The following FBN1 variants were observed in gnomAD, a reference collection of about 807,000 sequenced individuals.
FBN1 encodes the protein fibrillin-1.
A neutral mutation model predicts 365.1 loss-of-function variants in FBN1; 29 were observed. That is an observed-to-expected ratio of 0.08 (90% CI 0.06 to 0.11). FBN1 has a LOEUF of 0.11. Ranked by LOEUF, FBN1 falls within the 10% of genes least tolerant of loss-of-function variation. The pLI, the probability that FBN1 is intolerant of heterozygous loss-of-function variation, is 1.00. For missense variants in FBN1, 2,476 were observed against 3,703.2 expected (o/e 0.67, Z 8.60); for synonymous variants, 1,210 against 1,270.5 (o/e 0.95, Z 1.01).
In FBN1 at chr15:48,456,748, G is replaced by A. The variant is rs767884599; in HGVS notation, c.5311C>T (p.Arg1771Trp). The A allele has an allele frequency of 2.0e-5, 33 of 1,613,224 alleles. No homozygotes were observed. Among genetic ancestry groups the A allele is most frequent in the African/African-American group, 4.0e-5 (3 of 74,806 alleles). The change falls in exon 44 of 66, where the codon CGG becomes TGG. Residue 1771 changes from arginine to tryptophan, a missense_variant. This residue lies in a region of FBN1 where 1,780 missense variants were observed against 2,840.8 expected (regional missense o/e 0.63). Transcript: ENST00000316623. ...TTTTCACAGACCCCTGGGATCTCCC[G>A]GCACTCATCAATATCTAGAGACAGA... Reference protein sequence around the residue: ...TGLPVDIDECREIPGVCENGV... With the variant: ...TGLPVDIDECWEIPGVCENGV...
At chr15:48,465,449 T>G in intron 40 of FBN1, 119 bp downstream of exon 40, 1 of 1,166,828 alleles carries the variant, frequency 8.6e-7, no homozygotes, top group Non-Finnish European at 1.3e-6. Flanking sequence ...CCTGGCTATG[T>G]TCGTGTTTAG....
rs57548469 is a variant in FBN1, at chr15:48,523,715, G to T, written c.988+2415C>A. Among the ~76,000 whole-genome samples the T allele has an allele frequency of 2.6e-4, 35 of 133,610 alleles. 1 individual carries two copies. Among genetic ancestry groups the T allele is most frequent in the East Asian group, 8.3e-4 (3 of 3,596 alleles). The allele number at this position is 133,610 out of a possible 152,430, so 87.7% of individuals were successfully genotyped here. ...AGTGCCACACCAAGGGTGGCTGGGG[G>T]GGGGGGGGAACCGTTGTGGTGGTAT... is the stretch of plus-strand genomic sequence containing the variant. On this transcript the variant is annotated intron_variant, in intron 9 of 65. Transcript: ENST00000316623.
chr15:48,610,602 C>T, intron 4 of FBN1, 126 bp downstream of exon 4: 4 of 742,616 alleles, frequency 5.4e-6, no homozygotes, highest in South Asian at 4.7e-5. Context: ...TTGGGCAGAA[C>T]AGAGAAGGCA....
chr15:48,530,966 G>C (rs1466387326), intron 8 of FBN1, among the ~76,000 whole-genome samples: 3 of 152,098 alleles, frequency 2.0e-5, no homozygotes, highest in African/African-American at 7.2e-5. Context: ...CCTTAATTAC[G>C]CTTTTTATTT....
chr15:48,450,544 T>C (rs572851674), intron 45 of FBN1, among the ~76,000 whole-genome samples: 6 of 152,206 alleles, frequency 3.9e-5, no homozygotes, highest in East Asian at 3.9e-4. Context: ...GAAACCCAAA[T>C]AGTCAACAGA....
At chr15:48,425,693 T>C (rs372615770) in intron 59 of FBN1, 46 bp downstream of exon 59, 2 of 1,596,964 alleles carry the variant, frequency 1.3e-6, no homozygotes, top group Non-Finnish European at 1.7e-6. Flanking sequence ...TTTTCCATAA[T>C]CTAAAATTTC....
chr15:48,618,028 G>A (rs962830823), intron 2 of FBN1, among the ~76,000 whole-genome samples: 2 of 152,046 alleles, frequency 1.3e-5, no homozygotes, highest in African/African-American at 4.8e-5. Context: ...CAAGTACTAG[G>A]TAAGGGCTAA....
intron 32 of FBN1, 90 bp downstream of exon 32, chr15:48,481,565 G>A: frequency 7.7e-7 from 1 of 1,304,974 alleles, no homozygotes; most frequent in Non-Finnish European, 1.1e-6. Context: ...TAGTTAAAAT[G>A]TATGAGTTTT....
chr15:48,457,125 G>T (rs1256668199), intron 43 of FBN1, among the ~76,000 whole-genome samples: 1 of 152,030 alleles, frequency 6.6e-6, no homozygotes. Context: ...CTATATTTAG[G>T]GAAAAAGGCA....
chr15:48,596,297 G>C lies in FBN1; in HGVS notation c.524C>G (p.Pro175Arg). The change falls in exon 6 of 66, where the codon CCC (proline) becomes CGC (arginine). Residue 175 changes from proline (P) to arginine (R), a missense_variant. By Grantham distance (103) the Pro-to-Arg change is moderately radical. Around this residue, in one of 5 missense-constraint regions of FBN1, gnomAD observed 421 missense variants for 520.1 expected, o/e 0.81. Transcript: ENST00000316623. Reference protein sequence around the residue: ...RCACTYGFTGPQCERDYRTGP... With the variant: ...RCACTYGFTGRQCERDYRTGP... ...AAAACCATTACCTCTTTCACACTGGGGTCCAGTAAATCCGTAAGTGCATGC... is the reference window on the plus strand; with the variant it reads ...AAAACCATTACCTCTTTCACACTGGCGTCCAGTAAATCCGTAAGTGCATGC... 6.2e-7 allele frequency: 1 copy of C among 1,613,768 alleles called. No homozygotes were observed. The highest frequency in any genetic ancestry group is 1.1e-5 in the South Asian group (1 of 91,078).
intron 23 of FBN1, among the ~76,000 whole-genome samples, chr15:48,493,604 G>A (rs2043579279): frequency 6.6e-6 from 1 of 152,140 alleles, no homozygotes. Flanking sequence ...ACCTTGGGTG[G>A]GGGTTGTAGT....
chr15:48,498,937 C>T (rs762078654), intron 18 of FBN1, 48 bp downstream of exon 18: 1 of 1,563,070 alleles, frequency 6.4e-7, no homozygotes, highest in Admixed American at 1.7e-5. Flanking sequence ...AAGCCTGATG[C>T]TGCCTCTGCA....
rs775128837 is a variant in FBN1 at position 48,441,690 on chromosome 15, T to C, written c.6163+31A>G. 4.7e-5 allele frequency: 76 copies of C among 1,613,048 alleles called. 1 individual carries two copies. In the Middle Eastern group the frequency reaches 1.3e-3, roughly 28 times the overall value. On this transcript the variant is annotated intron_variant, in intron 50 of 65. Transcript: ENST00000316623. ...GACCACCACAAATAAACATGCAGCA[T>C]TGAAAGCCCAAAGCCTTCAAAGACA...
At position 48,421,819 on chromosome 15, in the gene FBN1, T is replaced by C. The variant is rs186936529; in HGVS notation, c.7570+133A>G. ...ACAACGCTTCACATACATGTACAGGTGTGCTCACACATACATGCACTCATA... is the reference window on the plus strand; with the variant it reads ...ACAACGCTTCACATACATGTACAGGCGTGCTCACACATACATGCACTCATA... On this transcript the variant is annotated intron_variant, in intron 61 of 65. Coordinates refer to ENST00000316623, the MANE Select transcript of FBN1 (RefSeq NM_000138.5). 271 of 1,183,414 alleles carry C rather than the reference T, an allele frequency of 2.3e-4. No individual in the cohort carries two copies. The African/African-American group carries it at 3.7e-3, about 16-fold the overall frequency. 73.3% of individuals were successfully genotyped at this position (1,183,414 alleles called of 1,614,324 possible).
At chr15:48,500,703 T>C (rs2043647358) in intron 17 of FBN1, among the ~76,000 whole-genome samples, 1 of 152,152 alleles carries the variant, frequency 6.6e-6, no homozygotes, top group Non-Finnish European at 1.5e-5. Context: ...TACCCTCCTG[T>C]GGGTTTAACT....
intron 6 of FBN1, among the ~76,000 whole-genome samples, chr15:48,572,540 A>AC (rs1388924955): frequency 1.3e-5 from 2 of 151,758 alleles, no homozygotes; most frequent in African/African-American, 2.4e-5. Context: ...AAAAACAAAG[A>AC]CCCCTCAAAG....
intron 5 of FBN1, 137 bp from the exon 6 acceptor site, chr15:48,596,515 T>C: frequency 1.3e-6 from 1 of 767,682 alleles, no homozygotes; most frequent in Non-Finnish European, 2.2e-6. Context: ...CACTCTACAG[T>C]TACACATACT....
At chr15:48,591,886 G>C (rs1299164876) in intron 6 of FBN1, among the ~76,000 whole-genome samples, 3 of 152,194 alleles carry the variant, frequency 2.0e-5, no homozygotes, top group Non-Finnish European at 4.4e-5. Flanking sequence ...TTAGGAGCCA[G>C]AATGTCTAGG....
intron 25 of FBN1, 99 bp downstream of exon 25, chr15:48,489,752 T>C: frequency 2.1e-6 from 2 of 962,760 alleles, no homozygotes; most frequent in Non-Finnish European, 1.7e-6. Context: ...AAGCAAAAAG[T>C]CCATGCTGGG....
Sources: allele counts gnomAD v4.1 joint callset (sites outside exome capture counted in the v4.1 genomes callset), GRCh38; gene constraint gnomAD v4.1.1; regional missense constraint gnomAD v4.1.1; transcripts MANE v1.5; gene names NCBI Gene and HGNC (gene_info 2026-07-23, HGNC 2026-07-21).